The following FUNDC2 variants were observed in gnomAD, a reference collection of about 807,000 sequenced individuals.
FUNDC2 encodes the protein FUN14 domain containing 2, also known as FUN14 domain-containing protein 2.
In FUNDC2, 4 loss-of-function variants were observed where a neutral mutation model predicts 15.6. The ratio of observed to expected loss-of-function variants is 0.26; its 90% CI spans 0.13 to 0.59. FUNDC2 has a LOEUF of 0.59. Among genes scored for constraint, FUNDC2 ranks in the 20% least tolerant of loss-of-function variants. The probability of loss-of-function intolerance (pLI) is 0.90; values close to 1 mark genes in which losing one functional copy is unlikely to be tolerated. For missense variants in FUNDC2, 98 were observed against 149.7 expected (o/e 0.65, Z 1.80); for synonymous variants, 44 against 56.9 (o/e 0.77, Z 1.02).
At chrX:155,053,891 G>T (rs148071362) in intron 4 of FUNDC2, 5 of 750,015 alleles carry the variant, frequency 6.7e-6, no homozygotes, top group Non-Finnish European at 7.8e-6. Flanking sequence ...AATTGGAAGG[G>T]TGGGGAGTGG....
At chrX:155,044,375 A>G (rs971619949) in intron 2 of FUNDC2, among the ~76,000 whole-genome samples, 2 of 111,943 alleles carry the variant, frequency 1.8e-5, no homozygotes, top group Admixed American at 1.9e-4. Flanking sequence ...CCTCAGAACA[A>G]CCTAACATTC....
chrX:155,029,947 T>C (rs1335104290), intron 1 of FUNDC2, among the ~76,000 whole-genome samples: 2 of 111,053 alleles, frequency 1.8e-5, no homozygotes, highest in Non-Finnish European at 1.9e-5. Context: ...TGTTTTCTAG[T>C]TTACAGTGAA....
chrX:155,032,293 T>C (rs1338228384), intron 1 of FUNDC2, among the ~76,000 whole-genome samples: 1 of 98,384 alleles, frequency 1.0e-5, no homozygotes, highest in Admixed American at 1.1e-4. Flanking sequence ...TTTTTTTTTT[T>C]TTTTTTTTTT....
rs1194690715 is a variant in FUNDC2 at position 155,058,330 on chromosome X, TGTG to T, written c.*3661_*3663del. The T allele has an allele frequency of 1.8e-5, 2 of 111,945 alleles. No homozygotes were observed. The highest frequency in any genetic ancestry group is 6.5e-5 in the African/African-American group (2 of 30,715). The allele number at this position is 111,945 out of a possible 1,213,427, so 9.2% of individuals were successfully genotyped here. A position where few individuals can be genotyped will look rare whatever the true frequency, so the allele number is the denominator to read the frequency against. On this transcript the variant is annotated 3_prime_UTR_variant, in exon 5 of 5. Transcript: ENST00000369498. The stretch of plus-strand genomic sequence containing the variant: ...AAGTTACTGTGTAGTTAACAACTAT[TGTG>T]GTAAGAATAGTCTCTCCATCATTCT...
chrX:155,056,988 C>G lies in FUNDC2; in HGVS notation c.*2316C>G, dbSNP rs1189171068. 9.3e-6 allele frequency: 1 copy of G among 107,823 alleles called. No individual in the cohort carries two copies. The highest frequency in any genetic ancestry group is 2.0e-5 in the Non-Finnish European group (1 of 50,967). 8.9% of individuals were successfully genotyped at this position (107,823 alleles called of 1,213,427 possible). On this transcript the variant is annotated 3_prime_UTR_variant, in exon 5 of 5. Transcript: ENST00000369498. ...CTGAAGTTTTTTCCCAGCTGGCTGCCTCTACGACTGTGAGGGTCATGGTTG... is the reference window on the plus strand; with the variant it reads ...CTGAAGTTTTTTCCCAGCTGGCTGCGTCTACGACTGTGAGGGTCATGGTTG...
At chrX:155,030,015 A>G (rs1363753238) in intron 1 of FUNDC2, among the ~76,000 whole-genome samples, 10 of 110,993 alleles carry the variant, frequency 9.0e-5, no homozygotes, top group Non-Finnish European at 1.9e-4. Flanking sequence ...AATTAAAATT[A>G]TTTTGTTTTC....
rs1011080816 is a variant in FUNDC2 at position 155,056,788 on chromosome X, G to A, written c.*2116G>A. 33 of 111,609 alleles carry A rather than the reference G, an allele frequency of 3.0e-4. No individual in the cohort carries two copies. Among genetic ancestry groups the A allele is most frequent in the African/African-American group, 1.0e-3 (32 of 30,644 alleles). The allele number at this position is 111,609 out of a possible 1,213,427, so 9.2% of individuals were successfully genotyped here. A position where few individuals can be genotyped will look rare whatever the true frequency, so the allele number is the denominator to read the frequency against. On this transcript the variant is annotated 3_prime_UTR_variant, in exon 5 of 5. Coordinates refer to ENST00000369498, the MANE Select transcript of FUNDC2 (RefSeq NM_023934.4). Reference sequence around the variant, plus strand: ...CATGTGGGGAGACTGGCCACCCAATGCCTCTCCAGTGGGGTAGGGGTTGTC... The same window carrying A: ...CATGTGGGGAGACTGGCCACCCAATACCTCTCCAGTGGGGTAGGGGTTGTC...
At chrX:155,054,160 A>C in intron 4 of FUNDC2, 1 of 753,838 alleles carries the variant, frequency 1.3e-6, no homozygotes, top group Non-Finnish European at 1.6e-6. Flanking sequence ...GACTTCAGGA[A>C]ATGAGAAGCC....
chrX:155,027,015 A>G lies in FUNDC2; in HGVS notation c.77A>G (p.Asp26Gly). 2 of 1,204,537 alleles carry G rather than the reference A, an allele frequency of 1.7e-6. No homozygotes were observed. Among genetic ancestry groups the G allele is most frequent in the Non-Finnish European group, 2.2e-6 (2 of 892,200 alleles). Reference sequence around the variant, plus strand: ...CGCCACTCCGCGGCCTACCGCGCAGATCCTCTACGTGTGTCCTCGCGAGAC... The same window carrying G: ...CGCCACTCCGCGGCCTACCGCGCAGGTCCTCTACGTGTGTCCTCGCGAGAC... ...TARHSAAYRA[D>G]PLRVSSRDKL... Residue 26 changes from aspartate to glycine, a missense_variant, in exon 1 of 5, where the codon GAT becomes GGT. Coordinates refer to ENST00000369498, the MANE Select transcript of FUNDC2 (RefSeq NM_023934.4).
Position 155,057,007 on chromosome X carries a change from ATGGTTGAGGTCAGTATTGCAGGT to A in FUNDC2, c.*2339_*2361del, listed in dbSNP as rs1557291036. The A allele has an allele frequency of 9.4e-6, 1 of 106,907 alleles. No homozygotes were observed. The highest frequency in any genetic ancestry group is 1.0e-4 in the Admixed American group (1 of 10,019). 8.8% of individuals were successfully genotyped at this position (106,907 alleles called of 1,213,427 possible). A position where few individuals can be genotyped will look rare whatever the true frequency, so the allele number is the denominator to read the frequency against. On this transcript the variant is annotated 3_prime_UTR_variant, in exon 5 of 5. Coordinates refer to ENST00000369498, the MANE Select transcript of FUNDC2 (RefSeq NM_023934.4). ...GGCTGCCTCTACGACTGTGAGGGTC[ATGGTTGAGGTCAGTATTGCAGGT>A]TGGCCTCATCCTGCTAGTATGAGAA...
At chrX:155,029,505 GC>G (rs1315415344) in intron 1 of FUNDC2, among the ~76,000 whole-genome samples, 1 of 111,007 alleles carries the variant, frequency 9.0e-6, no homozygotes, top group Non-Finnish European at 1.9e-5. Flanking sequence ...TGTAATCCCA[GC>G]ACTTTGGGAG....
rs1474972939 is a variant in FUNDC2, at chrX:155,056,018, G to A, written c.*1346G>A. 5 of 112,058 alleles carry A rather than the reference G, an allele frequency of 4.5e-5. No homozygotes were observed. The highest frequency in any genetic ancestry group is 3.7e-4 in the South Asian group (1 of 2,733). 9.2% of individuals were successfully genotyped at this position (112,058 alleles called of 1,213,427 possible). ...AACTTTACAGAAACCACCTATTTGC[G>A]TTTTTCTCCTTACATTTAAGGAAAC... is the stretch of plus-strand genomic sequence containing the variant. On this transcript the variant is annotated 3_prime_UTR_variant, in exon 5 of 5. Transcript: ENST00000369498.
chrX:155,049,734 C>T (rs1198918312), intron 3 of FUNDC2: 1 of 112,182 alleles, frequency 8.9e-6, no homozygotes, highest in Non-Finnish European at 1.9e-5. Flanking sequence ...ATGTGTCTCT[C>T]CATTTATTTA....
At position 155,055,040 on chromosome X, in the gene FUNDC2, TA is replaced by T; in HGVS notation, c.*370del. On this transcript the variant is annotated 3_prime_UTR_variant, in exon 5 of 5. Coordinates refer to ENST00000369498, the MANE Select transcript of FUNDC2 (RefSeq NM_023934.4). Reference sequence around the variant, plus strand: ...CCAAACTGTTGATTTGGAAAAGAAATAAGCACATAGATAACCTTATTGTGTG... The same window carrying T: ...CCAAACTGTTGATTTGGAAAAGAAATAGCACATAGATAACCTTATTGTGTG... 1 of 322,483 alleles carries T rather than the reference TA, an allele frequency of 3.1e-6. No homozygotes were observed. Among genetic ancestry groups the T allele is most frequent in the Non-Finnish European group, 5.4e-6 (1 of 185,625 alleles). 26.6% of individuals were successfully genotyped at this position (322,483 alleles called of 1,213,427 possible). A position where few individuals can be genotyped will look rare whatever the true frequency, so the allele number is the denominator to read the frequency against.
chrX:155,055,190 C>A lies in FUNDC2; in HGVS notation c.*518C>A, dbSNP rs1351783035. The A allele has an allele frequency of 1.7e-5, 5 of 295,498 alleles. No homozygotes were observed. Among genetic ancestry groups the A allele is most frequent in the Non-Finnish European group, 2.9e-5 (5 of 170,272 alleles). 24.4% of individuals were successfully genotyped at this position (295,498 alleles called of 1,213,427 possible). ...GCTATTTAAATGTGTTATAATTATG[C>A]CGACAAAATTGGCAGCATAATTACT... On this transcript the variant is annotated 3_prime_UTR_variant, in exon 5 of 5. Transcript: ENST00000369498.
intron 2 of FUNDC2, among the ~76,000 whole-genome samples, chrX:155,034,335 A>G (rs139530334): frequency 8.9e-6 from 1 of 112,508 alleles, no homozygotes; most frequent in East Asian, 2.8e-4. Flanking sequence ...CTGATGTTTC[A>G]TATATTCAAC....
intron 1 of FUNDC2, among the ~76,000 whole-genome samples, chrX:155,031,187 G>A (rs2073813865): frequency 9.0e-6 from 1 of 110,933 alleles, no homozygotes; most frequent in South Asian, 3.7e-4. Flanking sequence ...GTACCTCTTT[G>A]AATATTACTT....
At chrX:155,043,023 AC>A (rs781786126) in intron 2 of FUNDC2, among the ~76,000 whole-genome samples, 2 of 110,993 alleles carry the variant, frequency 1.8e-5, no homozygotes, top group Non-Finnish European at 3.8e-5. Context: ...TGCAACCTCT[AC>A]CTCCTGGGCT....
At chrX:155,054,502 ATTG>A (rs1443670346) in intron 4 of FUNDC2, 90 bp from the exon 5 acceptor site, 10 of 1,178,165 alleles carry the variant, frequency 8.5e-6, no homozygotes, top group Non-Finnish European at 1.1e-5. Flanking sequence ...GGGGATTGAC[ATTG>A]TTAAGACTGG....
Sources: allele counts gnomAD v4.1 joint callset (sites outside exome capture counted in the v4.1 genomes callset), GRCh38; gene constraint gnomAD v4.1.1; transcripts MANE v1.5; gene names NCBI Gene and HGNC (gene_info 2026-07-23, HGNC 2026-07-21).